The following NALCN variants were observed in gnomAD, a reference collection of about 807,000 sequenced individuals.
NALCN encodes the protein sodium leak channel, non-selective, also known as sodium leak channel NALCN.
In NALCN, 111 loss-of-function variants were observed where a neutral mutation model predicts 225.3. That is an observed-to-expected ratio of 0.49 (90% CI 0.42 to 0.58). NALCN has a LOEUF of 0.58. Among genes scored for constraint, NALCN ranks in the 20% least tolerant of loss-of-function variants. The pLI is 0.00. For synonymous variants in NALCN, 764 were observed against 769.0 expected (o/e 0.99, Z 0.11); for missense variants, 1,378 against 2,202.4 (o/e 0.63, Z 7.49).
intron 17 of NALCN, among the ~76,000 whole-genome samples, chr13:101,124,991 T>G (rs1333700018): frequency 6.6e-6 from 1 of 152,172 alleles, no homozygotes; most frequent in East Asian, 1.9e-4. Context: ...ACTCCTTATT[T>G]GTCTTTGATT....
chr13:101,353,727 A>C (rs2045970379), intron 6 of NALCN, among the ~76,000 whole-genome samples: 1 of 152,126 alleles, frequency 6.6e-6, no homozygotes, highest in Non-Finnish European at 1.5e-5. Flanking sequence ...CACTCCTTTC[A>C]CCCATTCCTG....
intron 13 of NALCN, among the ~76,000 whole-genome samples, chr13:101,225,883 C>A (rs1008401080): frequency 1.3e-5 from 2 of 152,134 alleles, no homozygotes; most frequent in African/African-American, 4.8e-5. Context: ...CTTAATTCAC[C>A]TTTTTCAAAG....
At chr13:101,180,957 A>T (rs1232746541) in intron 14 of NALCN, 2 of 430,866 alleles carry the variant, frequency 4.6e-6, no homozygotes, top group African/African-American at 4.1e-5. Context: ...AAGGGCGGCC[A>T]CGCAAGTGTG....
intron 13 of NALCN, among the ~76,000 whole-genome samples, chr13:101,203,699 C>A (rs1203667488): frequency 6.6e-6 from 1 of 152,156 alleles, no homozygotes; most frequent in African/African-American, 2.4e-5. Context: ...TTGAAGTACA[C>A]GATACATATC....
Position 101,089,682 on chromosome 13 carries a change from G to A in NALCN, c.3470C>T (p.Ala1157Val). The A allele has an allele frequency of 6.2e-7, 1 of 1,613,898 alleles. No individual in the cohort carries two copies. Among genetic ancestry groups the A allele is most frequent in the Non-Finnish European group, 8.5e-7 (1 of 1,179,910 alleles). Residue 1157 changes from alanine to valine, a missense_variant, in exon 30 of 44, where the codon GCT (alanine) becomes GTT (valine). By Grantham distance (64) the Ala-to-Val change is moderately conservative. Coordinates refer to ENST00000251127, the MANE Select transcript of NALCN (RefSeq NM_052867.4). The surrounding 1 kb of genome is among the most constrained non-coding windows in gnomAD (Gnocchi z 4.7). The part of the protein sequence containing the change: ...GLTLFVGVVI[A>V]NFNENKGTAL... Reference sequence around the variant, plus strand: ...CCTTACCTTGTTTTCATTGAAATTAGCAATAACTACTCCAACAAAAAGGGT... The same window carrying A: ...CCTTACCTTGTTTTCATTGAAATTAACAATAACTACTCCAACAAAAAGGGT...
intron 7 of NALCN, among the ~76,000 whole-genome samples, chr13:101,299,155 T>C (rs2043859508): frequency 6.6e-6 from 1 of 152,228 alleles, no homozygotes; most frequent in African/African-American, 2.4e-5. Context: ...TTTATCATTT[T>C]GCTGTTTTAA....
chr13:101,197,904 A>T (rs2039955028), intron 13 of NALCN, among the ~76,000 whole-genome samples: 1 of 152,200 alleles, frequency 6.6e-6, no homozygotes, highest in Non-Finnish European at 1.5e-5. Context: ...TGTTCCCAGG[A>T]ATCAGTCTCT....
intron 11 of NALCN, among the ~76,000 whole-genome samples, chr13:101,243,013 G>T (rs1194265831): frequency 9.6e-6 from 1 of 104,014 alleles, no homozygotes; most frequent in East Asian, 2.4e-4. Flanking sequence ...ACCTAGGAAG[G>T]TCACCAGGAC....
At chr13:101,112,567 T>C (rs1216277706) in intron 18 of NALCN, among the ~76,000 whole-genome samples, 2 of 152,208 alleles carry the variant, frequency 1.3e-5, no homozygotes, top group Non-Finnish European at 2.9e-5. Flanking sequence ...TGAGTGATCT[T>C]TGGGCCTAAC....
At chr13:101,089,000 C>T (rs976596003) in intron 30 of NALCN, among the ~76,000 whole-genome samples, 3 of 151,342 alleles carry the variant, frequency 2.0e-5, no homozygotes, top group Admixed American at 1.3e-4. Flanking sequence ...TAGGTTCAAA[C>T]GATTCTCATG....
chr13:101,090,602 C>T (rs1220459975), intron 28 of NALCN, among the ~76,000 whole-genome samples: 2 of 152,030 alleles, frequency 1.3e-5, no homozygotes, highest in African/African-American at 4.8e-5. Flanking sequence ...TGGATTTTTT[C>T]TTATTAACTC....
intron 28 of NALCN, among the ~76,000 whole-genome samples, chr13:101,090,289 ATT>A (rs1392206977): frequency 1.3e-5 from 2 of 152,146 alleles, no homozygotes; most frequent in Non-Finnish European, 2.9e-5. Context: ...GTTCTGCAAC[ATT>A]TCTACCTTGT....
At chr13:101,239,407 C>A (rs2041679047) in intron 11 of NALCN, among the ~76,000 whole-genome samples, 1 of 151,838 alleles carries the variant, frequency 6.6e-6, no homozygotes, top group Non-Finnish European at 1.5e-5. Flanking sequence ...AATAGGCATT[C>A]TTGGTATTAC....
chr13:101,316,582 A>C (rs1566568061), intron 7 of NALCN, among the ~76,000 whole-genome samples: 1 of 152,240 alleles, frequency 6.6e-6, no homozygotes, highest in East Asian at 1.9e-4. Flanking sequence ...CCATTTTCTT[A>C]AGTTCAAACA....
intron 17 of NALCN, among the ~76,000 whole-genome samples, chr13:101,138,591 A>T (rs559953017): frequency 6.6e-6 from 1 of 152,326 alleles, no homozygotes; most frequent in African/African-American, 2.4e-5. Flanking sequence ...CATGCTTCCC[A>T]GGCTATTGCA....
chr13:101,360,477 C>T (rs1255038612), intron 6 of NALCN, among the ~76,000 whole-genome samples: 1 of 152,098 alleles, frequency 6.6e-6, no homozygotes, highest in African/African-American at 2.4e-5. Flanking sequence ...AAGTCATCTG[C>T]CCGTCTTGAC....
intron 6 of NALCN, among the ~76,000 whole-genome samples, chr13:101,365,594 T>C (rs1404214598): frequency 6.6e-6 from 1 of 152,150 alleles, no homozygotes; most frequent in East Asian, 1.9e-4. Context: ...CAACTTTATA[T>C]TATCTCTAAT....
At chr13:101,267,101 G>A (rs2042622685) in intron 10 of NALCN, among the ~76,000 whole-genome samples, 1 of 152,194 alleles carries the variant, frequency 6.6e-6, no homozygotes, top group South Asian at 2.1e-4. Context: ...CGCCCTATCA[G>A]TGGCTGGCTC....
Position 101,055,164 on chromosome 13 carries a change from A to T in NALCN, c.*131T>A. ...TATGCCTTTCTGTGGCAGGATGAAA[A>T]TCAATTTATAAACATCTTGTGACAA... is the stretch of plus-strand genomic sequence containing the variant. On this transcript the variant is annotated 3_prime_UTR_variant, in exon 44 of 44. Transcript: ENST00000251127. 2.6e-6 allele frequency: 2 copies of T among 758,720 alleles called. No individual in the cohort carries two copies. Among genetic ancestry groups the T allele is most frequent in the Non-Finnish European group, 4.1e-6 (2 of 482,280 alleles). 47.0% of individuals were successfully genotyped at this position (758,720 alleles called of 1,614,324 possible).
Sources: gnomAD v4.1 joint callset for allele counts (sites outside exome capture counted in the v4.1 genomes callset) on GRCh38, gnomAD v4.1.1 for gene constraint, Gnocchi (gnomAD v3.1) non-coding constraint, MANE v1.5 for transcripts, NCBI Gene and HGNC (gene_info 2026-07-23, HGNC 2026-07-21) for gene names.